PAX2: variants seen among roughly 807,000 people sequenced by gnomAD.
The protein encoded by PAX2 is paired box protein Pax-2.
A neutral mutation model predicts 41.7 loss-of-function variants in PAX2; 9 were observed. That is an observed-to-expected ratio of 0.22 (90% CI 0.13 to 0.38). The LOEUF (loss-of-function observed/expected upper bound fraction) is 0.38. PAX2 is among the 10% of genes least tolerant of loss of function. The pLI is 1.00. For synonymous variants in PAX2, 221 were observed against 212.7 expected (o/e 1.04, Z -0.34); for missense variants, 418 against 531.6 (o/e 0.79, Z 2.10).
At chr10:100,765,387 G>A (rs575475747) in intron 3 of PAX2, among the ~76,000 whole-genome samples, 2 of 152,238 alleles carry the variant, frequency 1.3e-5, no homozygotes, top group South Asian at 2.1e-4. Flanking sequence ...CAGCTCAATG[G>A]ATGGCTGTAA....
rs1156858336 is a variant in PAX2, at chr10:100,828,224, C to T, written c.*605C>T. ...CCCTCGCCTTCCGGGTGTGCCCTGT[C>T]CCAGAAGATGGAATGGGGGTGTGGG... On this transcript the variant is annotated 3_prime_UTR_variant, in exon 10 of 10. Transcript: ENST00000355243. This position sits in a 1 kb window ranked among gnomAD's most constrained non-coding sequence, Gnocchi z 6.5. 8.6e-6 allele frequency: 2 copies of T among 233,044 alleles called. No homozygotes were observed. Among genetic ancestry groups the T allele is most frequent in the Non-Finnish European group, 8.5e-6 (1 of 118,122 alleles). 14.4% of individuals were successfully genotyped at this position (233,044 alleles called of 1,614,324 possible). A position where few individuals can be genotyped will look rare whatever the true frequency, so the allele number is the denominator to read the frequency against.
intron 3 of PAX2, among the ~76,000 whole-genome samples, chr10:100,766,502 C>T (rs1564715564): frequency 6.6e-6 from 1 of 152,194 alleles, no homozygotes; most frequent in African/African-American, 2.4e-5. Context: ...CGTCCATCCT[C>T]CTCCAGCTCC....
At chr10:100,794,902 T>A (rs770916477) in intron 5 of PAX2, among the ~76,000 whole-genome samples, 3 of 152,190 alleles carry the variant, frequency 2.0e-5, no homozygotes, top group Non-Finnish European at 4.4e-5. Flanking sequence ...CATTTATCCC[T>A]GCTGAATTTC....
At position 100,826,914 on chromosome 10, in the gene PAX2, C is replaced by G. The variant is rs1225165124; in HGVS notation, c.1022-95C>G. ...GCCCGCGACACCTGCGCCTGAGACCCGGCGGGAGGAGCGGGCGGAGAAGCC... is the reference window on the plus strand; with the variant it reads ...GCCCGCGACACCTGCGCCTGAGACCGGGCGGGAGGAGCGGGCGGAGAAGCC... On this transcript the variant is annotated intron_variant, in intron 8 of 9. Transcript: ENST00000355243. This position sits in a 1 kb window ranked among gnomAD's most constrained non-coding sequence, Gnocchi z 5.5. The G allele has an allele frequency of 1.1e-5, 9 of 852,160 alleles. No homozygotes were observed. Among genetic ancestry groups the G allele is most frequent in the East Asian group, 2.6e-5 (1 of 39,050 alleles). The allele number at this position is 852,160 out of a possible 1,614,324, so 52.8% of individuals were successfully genotyped here. A position where few individuals can be genotyped will look rare whatever the true frequency, so the allele number is the denominator to read the frequency against.
In PAX2 at chr10:100,746,267, A is replaced by G. The variant is rs780113818; in HGVS notation, c.7A>G (p.Met3Val). The change falls in exon 1 of 10, where the codon ATG becomes GTG. Residue 3 changes from methionine (M) to valine (V), a missense_variant. Physicochemically the swap from Met to Val is conservative, Grantham distance 21. Coordinates refer to ENST00000355243, the MANE Select transcript of PAX2 (RefSeq NM_000278.5). ...CCCGCTCCTCTGCCTCCCCATGGAT[A>G]TGCACTGCAAAGCAGACCCCTTCTC... MDMHCKADPFSAM... is the reference protein window; with the variant it reads MDVHCKADPFSAM... The G allele has an allele frequency of 1.9e-5, 31 of 1,613,252 alleles. No homozygotes were observed. The highest frequency in any genetic ancestry group is 4.5e-5 in the East Asian group (2 of 44,804).
intron 1 of PAX2, chr10:100,747,936 A>G: frequency 1.0e-6 from 1 of 977,178 alleles, no homozygotes; most frequent in Non-Finnish European, 1.2e-6. Flanking sequence ...GCGGGCAGCC[A>G]CTTTGAAACC....
At chr10:100,811,426 G>C (rs1240039443) in intron 7 of PAX2, among the ~76,000 whole-genome samples, 1 of 152,268 alleles carries the variant, frequency 6.6e-6, no homozygotes, top group East Asian at 1.9e-4. Context: ...ATTGCTCAGA[G>C]ACTCCATATG....
chr10:100,821,028 T>G (rs1848365060), intron 7 of PAX2, among the ~76,000 whole-genome samples: 1 of 152,204 alleles, frequency 6.6e-6, no homozygotes, highest in Non-Finnish European at 1.5e-5. Context: ...TTTCCATCCA[T>G]CTATAGTACA....
At position 100,826,113 on chromosome 10, in the gene PAX2, C is replaced by T. The variant is rs902601225; in HGVS notation, c.1022-896C>T. Among the ~76,000 whole-genome samples, 1 of 152,042 alleles carries T rather than the reference C, an allele frequency of 6.6e-6. No homozygotes were observed. The highest frequency in any genetic ancestry group is 1.5e-5 in the Non-Finnish European group (1 of 67,994). On this transcript the variant is annotated intron_variant, in intron 8 of 9. Coordinates refer to ENST00000355243, the MANE Select transcript of PAX2 (RefSeq NM_000278.5). This position sits in a 1 kb window ranked among gnomAD's most constrained non-coding sequence, Gnocchi z 5.5. ...GATGGGGAAGGAGATAGCTCAGTTC[C>T]TCTTGGTCACAGTTGAGCTCAGAAG...
At chr10:100,776,027 C>T (rs1461062329) in intron 3 of PAX2, among the ~76,000 whole-genome samples, 1 of 152,176 alleles carries the variant, frequency 6.6e-6, no homozygotes, top group East Asian at 1.9e-4. Context: ...CTTGTTCTCC[C>T]TTGCTCTGTT....
intron 3 of PAX2, among the ~76,000 whole-genome samples, chr10:100,766,620 C>T (rs1269133183): frequency 6.6e-6 from 1 of 152,192 alleles, no homozygotes; most frequent in East Asian, 1.9e-4. Flanking sequence ...TTCAGCAGAG[C>T]AGGGACATTT....
chr10:100,821,943 C>CT (rs754801271), intron 7 of PAX2, among the ~76,000 whole-genome samples: 9 of 152,008 alleles, frequency 5.9e-5, no homozygotes, highest in South Asian at 2.1e-4. Context: ...GGGCCTTTCT[C>CT]TTTTTTTTGA....
chr10:100,795,380 T>A (rs1847284609), intron 5 of PAX2, among the ~76,000 whole-genome samples: 2 of 152,138 alleles, frequency 1.3e-5, no homozygotes, highest in Admixed American at 6.5e-5. Flanking sequence ...ATGTGATGAA[T>A]GCCGTGATCA....
chr10:100,752,478 T>C (rs1271209330), intron 3 of PAX2, among the ~76,000 whole-genome samples: 1 of 152,228 alleles, frequency 6.6e-6, no homozygotes, highest in East Asian at 1.9e-4. Context: ...ATGAGCCATG[T>C]AGAGACTCAG....
intron 3 of PAX2, among the ~76,000 whole-genome samples, chr10:100,762,784 C>T (rs1338914582): frequency 6.6e-6 from 1 of 152,220 alleles, no homozygotes; most frequent in Non-Finnish European, 1.5e-5. Flanking sequence ...CCAAGCTTTG[C>T]AGAATCCACA....
rs1340643810 is a variant in PAX2, at chr10:100,824,395, C to A, written c.920-253C>A. 1.3e-5 allele frequency among the ~76,000 whole-genome samples: 2 copies of A among 149,606 alleles called. No individual in the cohort carries two copies. The highest frequency in any genetic ancestry group is 5.0e-5 in the African/African-American group (2 of 39,954). ...ACACACACACACACACACACACACA[C>A]AAATACACAGAGACACAAAGAGCTA... On this transcript the variant is annotated intron_variant, in intron 7 of 9. Transcript: ENST00000355243. This position sits in a 1 kb window ranked among gnomAD's most constrained non-coding sequence, Gnocchi z 6.6.
In PAX2 at chr10:100,750,351, G is replaced by A. The variant is rs117943008; in HGVS notation, c.213-343G>A. Among the ~76,000 whole-genome samples the A allele has an allele frequency of 7.2e-5, 11 of 152,250 alleles. No individual in the cohort carries two copies. In the East Asian group the frequency reaches 2.1e-3, roughly 29 times the overall value. Reference sequence around the variant, plus strand: ...GCCCAGTAGGAAAGGGCTCGAGGTGGTGCCTCAACCCTGGCCTCCCAGAGA... The same window carrying A: ...GCCCAGTAGGAAAGGGCTCGAGGTGATGCCTCAACCCTGGCCTCCCAGAGA... On this transcript the variant is annotated intron_variant, in intron 2 of 9. Coordinates refer to ENST00000355243, the MANE Select transcript of PAX2 (RefSeq NM_000278.5). The surrounding 1 kb of genome is among the most constrained non-coding windows in gnomAD (Gnocchi z 4.1).
Position 100,789,523 on chromosome 10 carries a change from A to G in PAX2, c.616+8158A>G, listed in dbSNP as rs549473117. On this transcript the variant is annotated intron_variant, in intron 5 of 9. Transcript: ENST00000355243. ...CTCCCCTCCCTAGGAGACAGGCCCT[A>G]TGAAAGTCCAGAAACCAAATCTATA... 1.3e-3 allele frequency among the ~76,000 whole-genome samples: 205 copies of G among 152,318 alleles called. 1 individual carries two copies. The highest frequency in any genetic ancestry group is 4.7e-3 in the African/African-American group (196 of 41,570).
chr10:100,770,492 AT>A (rs1846173665), intron 3 of PAX2, among the ~76,000 whole-genome samples: 1 of 152,204 alleles, frequency 6.6e-6, no homozygotes, highest in East Asian at 1.9e-4. Context: ...TTGCCCCTTA[AT>A]TTTTAAACCT....
Sources: gnomAD v4.1 joint callset for allele counts (sites outside exome capture counted in the v4.1 genomes callset) on GRCh38, gnomAD v4.1.1 for gene constraint, Gnocchi (gnomAD v3.1) non-coding constraint, MANE v1.5 for transcripts, NCBI Gene and HGNC (gene_info 2026-07-23, HGNC 2026-07-21) for gene names.